The following UNC80 variants were observed in gnomAD, a reference collection of about 807,000 sequenced individuals.
UNC80 encodes unc-80 subunit of NALCN channel complex, also known as protein unc-80 homolog.
In UNC80, 164 loss-of-function variants were observed where a neutral mutation model predicts 384.6. That is an observed-to-expected ratio of 0.43 (90% CI 0.38 to 0.49). The LOEUF (loss-of-function observed/expected upper bound fraction) is 0.49, where lower values mean the gene tolerates loss of function less well. UNC80 is among the 20% of genes least tolerant of loss of function. UNC80 has a pLI of 0.00. For synonymous variants in UNC80, 1,486 were observed against 1,527.8 expected, an observed-to-expected ratio of 0.97 and a Z score of 0.64; for missense variants, 3,330 against 4,143.0, an observed-to-expected ratio of 0.80 and a Z score of 5.39.
intron 7 of UNC80, among the ~76,000 whole-genome samples, chr2:209,805,761 TAACCTAATCTTTTAC>T (rs1574516412): frequency 6.6e-6 from 1 of 151,966 alleles, no homozygotes; most frequent in Non-Finnish European, 1.5e-5. Context: ...TAATCTTTTA[TAACCTAATCTTTTAC>T]AACCTAATCT....
chr2:209,877,268 A>T (rs1251952741), intron 23 of UNC80, among the ~76,000 whole-genome samples: 2 of 152,160 alleles, frequency 1.3e-5, no homozygotes, highest in Non-Finnish European at 2.9e-5. Flanking sequence ...GTGCCTGATG[A>T]TTCAATAACA....
intron 11 of UNC80, among the ~76,000 whole-genome samples, chr2:209,818,626 C>T (rs1336473210): frequency 6.6e-6 from 1 of 152,060 alleles, no homozygotes; most frequent in Non-Finnish European, 1.5e-5. Context: ...CCTTAATATA[C>T]TGGATAAAAA....
At chr2:209,789,178 C>T (rs1298460766) in intron 5 of UNC80, among the ~76,000 whole-genome samples, 1 of 152,122 alleles carries the variant, frequency 6.6e-6, no homozygotes, top group African/African-American at 2.4e-5. Context: ...TTTCTCAGAA[C>T]GTATCTTTGT....
chr2:209,904,810 G>C lies in UNC80; in HGVS notation c.4627G>C (p.Val1543Leu), dbSNP rs994979037. 2 of 1,551,840 alleles carry C rather than the reference G, an allele frequency of 1.3e-6. No individual in the cohort carries two copies. The highest frequency in any genetic ancestry group is 2.7e-5 in the African/African-American group (2 of 73,022). Residue 1543 changes from valine (V) to leucine (L), a missense_variant, in exon 29 of 65, where the codon GTT becomes CTT. Physicochemically the swap from Val to Leu is conservative, Grantham distance 32. Around this residue, in one of 8 missense-constraint regions of UNC80, gnomAD observed 801 missense variants for 950.8 expected, o/e 0.84. Transcript: ENST00000673920. ...TCAGCAGAGTTTCATCTGCACTCAC[G>C]TTGACTACTGCCATCCCCACTGCTA... is the stretch of plus-strand genomic sequence containing the variant. Reference protein sequence around the residue: ...CNQQSFICTHVDYCHPHCYLH... With the variant: ...CNQQSFICTHLDYCHPHCYLH...
Position 209,999,153 on chromosome 2 carries a change from A to G in UNC80, c.*3558A>G, listed in dbSNP as rs1360777048. The stretch of plus-strand genomic sequence containing the variant: ...CTTCCCTCAGATAACTATGAAGTCT[A>G]TTATGAGTACTGAATGACCAAAGAA... On this transcript the variant is annotated 3_prime_UTR_variant, in exon 65 of 65. Transcript: ENST00000673920. 4 of 152,364 alleles carry G rather than the reference A, an allele frequency of 2.6e-5. No individual in the cohort carries two copies. Among genetic ancestry groups the G allele is most frequent in the East Asian group, 1.9e-4 (1 of 5,196 alleles). 9.4% of individuals were successfully genotyped at this position (152,364 alleles called of 1,614,324 possible).
At chr2:209,844,325 T>C (rs1333743017) in intron 21 of UNC80, among the ~76,000 whole-genome samples, 1 of 152,208 alleles carries the variant, frequency 6.6e-6, no homozygotes, top group Non-Finnish European at 1.5e-5. Flanking sequence ...ACTCAAAGAA[T>C]GTAGGGTCTC....
chr2:209,931,015 C>T lies in UNC80; in HGVS notation c.5955C>T (p.Asp1985=). 6.4e-7 allele frequency: 1 copy of T among 1,550,744 alleles called. No homozygotes were observed. The highest frequency in any genetic ancestry group is 8.7e-7 in the Non-Finnish European group (1 of 1,146,380). The change falls in exon 38 of 65, where the codon GAC becomes GAT. Residue 1985 remains aspartate, a synonymous_variant. Coordinates refer to ENST00000673920, the MANE Select transcript of UNC80 (RefSeq NM_001371986.1). ...MLRKLLLNIG[D]FPAQTSHILF... is the part of the protein sequence containing the mutation. ...GCAAACTTCTCTTGAATATTGGAGACTTTCCTGCTCAGACATCTCACATCC... is the reference window on the plus strand; with the variant it reads ...GCAAACTTCTCTTGAATATTGGAGATTTTCCTGCTCAGACATCTCACATCC...
At chr2:209,922,698 A>T (rs1254780740) in intron 35 of UNC80, among the ~76,000 whole-genome samples, 3 of 152,206 alleles carry the variant, frequency 2.0e-5, no homozygotes, top group African/African-American at 7.2e-5. Context: ...TGGGAAGCTT[A>T]AAAAGAAAGT....
chr2:209,777,326 G>T lies in UNC80; in HGVS notation c.367G>T (p.Ala123Ser). The change falls in exon 4 of 65, where the codon GCC (alanine) becomes TCC (serine). Residue 123 changes from alanine (A) to serine (S), a missense_variant. This residue lies in a region of UNC80 where 937 missense variants were observed against 1,026.8 expected (regional missense o/e 0.91). Coordinates refer to ENST00000673920, the MANE Select transcript of UNC80 (RefSeq NM_001371986.1). ...CACTCTACACTGGATGCTTCTGGAG[G>T]CCCCCCAGGACTGCAACAATGAGCG... is the stretch of plus-strand genomic sequence containing the variant. ...LHTLHWMLLEAPQDCNNERFG... is the reference protein window; with the variant it reads ...LHTLHWMLLESPQDCNNERFG... The T allele has an allele frequency of 6.2e-7, 1 of 1,614,046 alleles. No homozygotes were observed. Among genetic ancestry groups the T allele is most frequent in the Non-Finnish European group, 8.5e-7 (1 of 1,179,992 alleles).
At position 209,993,322 on chromosome 2, in the gene UNC80, G is replaced by T. The variant is rs2093425631; in HGVS notation, c.9404G>T (p.Arg3135Leu). Residue 3135 changes from arginine to leucine, a missense_variant, in exon 63 of 65, where the codon CGT becomes CTT. Transcript: ENST00000673920. ...GRKRGLRQLRRPLLSRQKTQT... is the reference protein window; with the variant it reads ...GRKRGLRQLRLPLLSRQKTQT... ...TCTGCCTATTCTCTTTAGCTAAGAC[G>T]TCCTCTACTATCACGTCAGAAAACT... 1.3e-6 allele frequency: 2 copies of T among 1,551,558 alleles called. No homozygotes were observed. The highest frequency in any genetic ancestry group is 1.7e-6 in the Non-Finnish European group (2 of 1,146,876).
At chr2:209,892,299 G>A (rs2086413684) in intron 26 of UNC80, among the ~76,000 whole-genome samples, 1 of 152,206 alleles carries the variant, frequency 6.6e-6, no homozygotes, top group African/African-American at 2.4e-5. Context: ...TGAAAGAAAA[G>A]GCCAAAGATG....
chr2:209,993,245 A>T, intron 62 of UNC80, 70 bp from the exon 63 acceptor site: 1 of 1,200,736 alleles, frequency 8.3e-7, no homozygotes, highest in Non-Finnish European at 1.2e-6. Context: ...AGAAACATAT[A>T]AATAAAGAAA....
At chr2:209,937,029 G>A in intron 41 of UNC80, 96 bp downstream of exon 41, 1 of 822,560 alleles carries the variant, frequency 1.2e-6, no homozygotes. Flanking sequence ...TCGCTGTTTA[G>A]AAGGTAATAG....
intron 14 of UNC80, among the ~76,000 whole-genome samples, chr2:209,829,017 A>G (rs1328278230): frequency 6.6e-6 from 1 of 152,020 alleles, no homozygotes; most frequent in Admixed American, 6.6e-5. Flanking sequence ...GGTTTTTCCT[A>G]TGGAGCAGTT....
intron 6 of UNC80, among the ~76,000 whole-genome samples, chr2:209,792,106 C>A (rs1408157285): frequency 6.6e-6 from 1 of 152,114 alleles, no homozygotes; most frequent in Non-Finnish European, 1.5e-5. Flanking sequence ...GAGTTTGAGA[C>A]CAGCCTGGGC....
chr2:209,777,540 C>T lies in UNC80; in HGVS notation c.581C>T (p.Pro194Leu). ...TVELFVFLFA[P>L]LVHRIKESDL... The stretch of plus-strand genomic sequence containing the variant: ...GAGCTCTTCGTGTTTCTGTTTGCTC[C>T]CCTGGTACACAGGATCAAGGTAAGC... The change falls in exon 4 of 65, where the codon CCC becomes CTC. Residue 194 changes from proline (P) to leucine (L), a missense_variant. This residue lies in a region of UNC80 where 937 missense variants were observed against 1,026.8 expected (regional missense o/e 0.91). Transcript: ENST00000673920. 3 of 1,610,870 alleles carry T rather than the reference C, an allele frequency of 1.9e-6. No homozygotes were observed. The highest frequency in any genetic ancestry group is 2.5e-6 in the Non-Finnish European group (3 of 1,178,230).
At chr2:209,878,404 G>T (rs2084968952) in intron 24 of UNC80, among the ~76,000 whole-genome samples, 1 of 152,182 alleles carries the variant, frequency 6.6e-6, no homozygotes, top group Non-Finnish European at 1.5e-5. Context: ...AGGCACTATA[G>T]TTGTGGAAAA....
At chr2:209,960,417 G>A (rs759379525) in intron 51 of UNC80, among the ~76,000 whole-genome samples, 2 of 152,204 alleles carry the variant, frequency 1.3e-5, no homozygotes, top group Non-Finnish European at 2.9e-5. Context: ...CAAAAGGAAC[G>A]TGATTCCAGA....
rs1242903525 is a variant in UNC80 at position 209,928,169 on chromosome 2, C to T, written c.5806+1183C>T. On this transcript the variant is annotated intron_variant, in intron 36 of 64. Transcript: ENST00000673920. ...TGGCCAACGTGGCGAAACCCTGTCT[C>T]TACTAAAAATACAAAAATTAGCCAG... Among the ~76,000 whole-genome samples the T allele has an allele frequency of 2.0e-5, 3 of 151,970 alleles. No individual in the cohort carries two copies. In the South Asian group the frequency reaches 6.2e-4, roughly 32 times the overall value.
Sources: gnomAD v4.1 joint callset for allele counts (sites outside exome capture counted in the v4.1 genomes callset) on GRCh38, gnomAD v4.1.1 for gene constraint, gnomAD v4.1.1 regional missense constraint, MANE v1.5 for transcripts, NCBI Gene and HGNC (gene_info 2026-07-23, HGNC 2026-07-21) for gene names.